The following ANKIB1 variants were observed in gnomAD, a reference collection of about 807,000 sequenced individuals.
ANKIB1 encodes ankyrin repeat and IBR domain containing 1, also known as ankyrin repeat and IBR domain-containing protein 1.
Under a neutral mutation model 122.1 loss-of-function variants are expected in ANKIB1, and 43 were observed. That is an observed-to-expected ratio of 0.35 (90% CI 0.28 to 0.45). ANKIB1 has a LOEUF of 0.45. Among genes scored for constraint, ANKIB1 ranks in the 20% least tolerant of loss-of-function variants. ANKIB1 has a pLI of 1.00. For synonymous variants in ANKIB1, 390 were observed against 442.0 expected, an observed-to-expected ratio of 0.88 and a Z score of 1.48; for missense variants, 992 against 1,329.5, an observed-to-expected ratio of 0.75 and a Z score of 3.95.
chr7:92,330,612 G>C (rs1045835763), intron 5 of ANKIB1, among the ~76,000 whole-genome samples: 1 of 152,134 alleles, frequency 6.6e-6, no homozygotes, highest in African/African-American at 2.4e-5. Flanking sequence ...GGAGGCCGAG[G>C]TGGGCGGATC....
At chr7:92,274,149 T>A (rs1394591957) in intron 1 of ANKIB1, among the ~76,000 whole-genome samples, 3 of 152,144 alleles carry the variant, frequency 2.0e-5, no homozygotes, top group Admixed American at 1.3e-4. Flanking sequence ...CCTGAACTAC[T>A]GATATTATTA....
intron 1 of ANKIB1, among the ~76,000 whole-genome samples, chr7:92,287,084 T>C (rs753731730): frequency 6.6e-6 from 1 of 152,340 alleles, no homozygotes; most frequent in Non-Finnish European, 1.5e-5. Flanking sequence ...TTTAGACTTA[T>C]GGAAAGGTTG....
chr7:92,248,491 C>T (rs1339936400), intron 1 of ANKIB1, among the ~76,000 whole-genome samples: 7 of 152,116 alleles, frequency 4.6e-5, no homozygotes, highest in Admixed American at 2.0e-4. Flanking sequence ...GATAAAAGTG[C>T]GAGCTCATTT....
intron 1 of ANKIB1, among the ~76,000 whole-genome samples, chr7:92,261,339 A>C (rs1585076040): frequency 7.3e-6 from 1 of 137,726 alleles, no homozygotes; most frequent in Non-Finnish European, 1.5e-5. Flanking sequence ...ACAGAGCGAG[A>C]CTCCGTCTCA....
At chr7:92,349,984 A>G (rs1562789531) in intron 7 of ANKIB1, among the ~76,000 whole-genome samples, 1 of 151,182 alleles carries the variant, frequency 6.6e-6, no homozygotes, top group African/African-American at 2.4e-5. Flanking sequence ...AGACCAACCT[A>G]GGCAAAGAGA....
chr7:92,384,978 A>G (rs903793813), intron 11 of ANKIB1, among the ~76,000 whole-genome samples: 2 of 152,196 alleles, frequency 1.3e-5, no homozygotes, highest in African/African-American at 4.8e-5. Context: ...AATTTTTGCA[A>G]TTACCCATCT....
intron 1 of ANKIB1, among the ~76,000 whole-genome samples, chr7:92,278,197 G>A (rs1430021876): frequency 6.6e-6 from 1 of 152,058 alleles, no homozygotes. Flanking sequence ...GTTTCAGTGA[G>A]CTATGATCAC....
At chr7:92,351,198 A>G (rs945109364) in intron 8 of ANKIB1, 104 bp downstream of exon 8, 17 of 1,006,930 alleles carry the variant, frequency 1.7e-5, no homozygotes, top group Non-Finnish European at 2.3e-5. Flanking sequence ...AAACAAAATA[A>G]TGGCTCTTTT....
chr7:92,397,585 G>A (rs1804927521), intron 18 of ANKIB1, 138 bp from the exon 19 acceptor site: 1 of 826,504 alleles, frequency 1.2e-6, no homozygotes, highest in Admixed American at 2.4e-5. Flanking sequence ...ATCCCAGAAA[G>A]ATTAAGTGAA....
At chr7:92,366,541 T>C (rs887008207) in intron 10 of ANKIB1, among the ~76,000 whole-genome samples, 8 of 152,236 alleles carry the variant, frequency 5.3e-5, no homozygotes, top group African/African-American at 1.9e-4. Context: ...TATGATCTTT[T>C]AGGTTTATAT....
intron 11 of ANKIB1, among the ~76,000 whole-genome samples, chr7:92,378,276 CT>C (rs1316564162): frequency 6.6e-6 from 1 of 151,960 alleles, no homozygotes; most frequent in African/African-American, 2.4e-5. Context: ...TTGAGCACCC[CT>C]AATCCACAAA....
At chr7:92,305,354 T>A (rs1345949635) in intron 2 of ANKIB1, among the ~76,000 whole-genome samples, 2 of 152,210 alleles carry the variant, frequency 1.3e-5, no homozygotes, top group African/African-American at 4.8e-5. Flanking sequence ...CCCAGTCCCA[T>A]GTCACTGATC....
intron 9 of ANKIB1, among the ~76,000 whole-genome samples, chr7:92,353,817 G>C (rs1039539844): frequency 6.6e-6 from 1 of 152,130 alleles, no homozygotes; most frequent in Admixed American, 6.6e-5. Context: ...CTGCTTTTGG[G>C]CAATGACAGC....
chr7:92,356,619 T>C (rs991370631), intron 9 of ANKIB1, among the ~76,000 whole-genome samples: 15 of 152,234 alleles, frequency 9.9e-5, no homozygotes, highest in Non-Finnish European at 2.1e-4. Flanking sequence ...GTGAGACAGC[T>C]CTGCCACTAA....
chr7:92,361,886 T>A (rs1376640166), intron 9 of ANKIB1, among the ~76,000 whole-genome samples: 3 of 152,184 alleles, frequency 2.0e-5, no homozygotes, highest in East Asian at 1.9e-4. Context: ...CTCGGCTCAC[T>A]GCAACCTCCA....
At chr7:92,343,673 A>T (rs1206049814) in intron 6 of ANKIB1, among the ~76,000 whole-genome samples, 1 of 152,224 alleles carries the variant, frequency 6.6e-6, no homozygotes, top group Non-Finnish European at 1.5e-5. Context: ...CTCAAAATAC[A>T]TACACACATA....
At chr7:92,311,615 A>G (rs1802690986) in intron 3 of ANKIB1, among the ~76,000 whole-genome samples, 1 of 152,098 alleles carries the variant, frequency 6.6e-6, no homozygotes. Flanking sequence ...GCATTTAATA[A>G]TTTAAACAGT....
chr7:92,343,556 A>G (rs1048471377), intron 6 of ANKIB1, among the ~76,000 whole-genome samples: 1 of 152,206 alleles, frequency 6.6e-6, no homozygotes, highest in Non-Finnish European at 1.5e-5. Context: ...GGCCAGGCAC[A>G]GTAAGTAGCT....
intron 9 of ANKIB1, among the ~76,000 whole-genome samples, chr7:92,354,830 A>G (rs1562790804): frequency 1.3e-5 from 2 of 152,050 alleles, no homozygotes; most frequent in Non-Finnish European, 2.9e-5. Flanking sequence ...TCACGCAAAA[A>G]GACGCTTTAC....
Sources: allele counts gnomAD v4.1 joint callset (sites outside exome capture counted in the v4.1 genomes callset), GRCh38; gene constraint gnomAD v4.1.1; transcripts MANE v1.5; gene names NCBI Gene and HGNC (gene_info 2026-07-23, HGNC 2026-07-21).